The following FGD5 variants were observed in gnomAD, a reference collection of about 807,000 sequenced individuals.
The protein encoded by FGD5 is FYVE, RhoGEF and PH domain-containing protein 5.
Under a neutral mutation model 133.4 loss-of-function variants are expected in FGD5, and 28 were observed. That is an observed-to-expected ratio of 0.21 (90% CI 0.16 to 0.29). The LOEUF (loss-of-function observed/expected upper bound fraction) is 0.29, where lower values mean the gene tolerates loss of function less well. Ranked by LOEUF, FGD5 falls within the 10% of genes least tolerant of loss-of-function variation. The probability of loss-of-function intolerance (pLI) is 1.00; values close to 1 mark genes in which losing one functional copy is unlikely to be tolerated. For missense variants in FGD5, 1,858 were observed against 1,895.2 expected (o/e 0.98, Z 0.36); for synonymous variants, 810 against 776.5 (o/e 1.04, Z -0.72).
intron 1 of FGD5, among the ~76,000 whole-genome samples, chr3:14,829,702 G>A (rs2036669222): frequency 6.6e-6 from 1 of 152,194 alleles, no homozygotes. Flanking sequence ...GACAAGCCGA[G>A]TAATGAAGTT....
chr3:14,896,817 G>T (rs1407110519), intron 4 of FGD5: 1 of 152,086 alleles, frequency 6.6e-6, no homozygotes, highest in Non-Finnish European at 1.5e-5. Flanking sequence ...AGTTTTAGAA[G>T]TACATTAATC....
At chr3:14,829,415 C>T (rs999212535) in intron 1 of FGD5, among the ~76,000 whole-genome samples, 2 of 152,042 alleles carry the variant, frequency 1.3e-5, no homozygotes, top group African/African-American at 4.8e-5. Flanking sequence ...CTGGGAGATT[C>T]GTGAAGAGAT....
Position 14,917,225 on chromosome 3 carries a change from C to G in FGD5, c.3406-24C>G. The G allele has an allele frequency of 6.2e-7, 1 of 1,607,888 alleles. No individual in the cohort carries two copies. ...CGCAGCCTTCTGGGGCCAGGGTCCT[C>G]TCATAGGGTTTCCCTCTCTCCAGAT... On this transcript the variant is annotated intron_variant, in intron 11 of 19. Coordinates refer to ENST00000285046, the MANE Select transcript of FGD5 (RefSeq NM_152536.4). The surrounding 1 kb of genome is among the most constrained non-coding windows in gnomAD (Gnocchi z 4.1).
chr3:14,842,582 C>T (rs1559476425), intron 1 of FGD5, among the ~76,000 whole-genome samples: 1 of 152,222 alleles, frequency 6.6e-6, no homozygotes, highest in Non-Finnish European at 1.5e-5. Context: ...TTCAGGTCCT[C>T]CCCAGGGCAC....
intron 4 of FGD5, 135 bp from the exon 5 acceptor site, chr3:14,897,374 T>C: frequency 3.0e-6 from 3 of 1,008,878 alleles, no homozygotes; most frequent in Non-Finnish European, 4.4e-6. Context: ...GACTGTTGGG[T>C]CTGGAGACAC....
chr3:14,876,333 T>G (rs982910420), intron 2 of FGD5, among the ~76,000 whole-genome samples: 2 of 152,194 alleles, frequency 1.3e-5, no homozygotes, highest in African/African-American at 4.8e-5. Flanking sequence ...TCTCAAAACT[T>G]TTTGGTCTCA....
intron 1 of FGD5, among the ~76,000 whole-genome samples, chr3:14,824,314 T>C (rs1332353705): frequency 6.6e-6 from 1 of 152,160 alleles, no homozygotes; most frequent in East Asian, 1.9e-4. Flanking sequence ...GGACCCTGCT[T>C]GTTTGCCTGA....
intron 1 of FGD5, among the ~76,000 whole-genome samples, chr3:14,863,400 A>G (rs796641422): frequency 2.5e-4 from 38 of 152,336 alleles, no homozygotes; most frequent in African/African-American, 8.9e-4. Context: ...ATTTGAGGAC[A>G]GGGACCATGT....
At chr3:14,856,653 T>A (rs1284046776) in intron 1 of FGD5, among the ~76,000 whole-genome samples, 1 of 152,186 alleles carries the variant, frequency 6.6e-6, no homozygotes, top group African/African-American at 2.4e-5. Flanking sequence ...ATTGTGATTT[T>A]TTTTTTGTAG....
In FGD5 at chr3:14,831,061, C is replaced by T. The variant is rs147205206; in HGVS notation, c.2525+9465C>T. Among the ~76,000 whole-genome samples the T allele has an allele frequency of 2.8e-3, 426 of 152,194 alleles. 2 individuals are homozygous for T. The highest frequency in any genetic ancestry group is 9.6e-3 in the African/African-American group (398 of 41,510). ...TCTGAAGAGGTGAACTTGAGTGAAA[C>T]GTGAAGGATGATCAGACATCCCAAG... On this transcript the variant is annotated intron_variant, in intron 1 of 19. Transcript: ENST00000285046.
rs543453851 is a variant in FGD5 at position 14,922,144 on chromosome 3, C to T, written c.3669+127C>T. ...CCTGTCTTGGGGCACTGGCTCCCCC[C>T]ACACCCCTGCCATGCTCCCACCCTA... is the stretch of plus-strand genomic sequence containing the variant. On this transcript the variant is annotated intron_variant, in intron 14 of 19. Coordinates refer to ENST00000285046, the MANE Select transcript of FGD5 (RefSeq NM_152536.4). The surrounding 1 kb of genome is among the most constrained non-coding windows in gnomAD (Gnocchi z 4.1). The T allele has an allele frequency of 5.5e-6, 6 of 1,100,670 alleles. No individual in the cohort carries two copies. Among genetic ancestry groups the T allele is most frequent in the Non-Finnish European group, 5.3e-6 (4 of 759,200 alleles). The allele number at this position is 1,100,670 out of a possible 1,614,324, so 68.2% of individuals were successfully genotyped here. A position where few individuals can be genotyped will look rare whatever the true frequency, so the allele number is the denominator to read the frequency against.
rs1027660798 is a variant in FGD5 at position 14,822,259 on chromosome 3, G to C, written c.2525+663G>C. ...CGTTATCTCCTAGGTAGATGGCTTT[G>C]CTACTCGCCTCTGAGACAGTCACCA... On this transcript the variant is annotated intron_variant, in intron 1 of 19. Coordinates refer to ENST00000285046, the MANE Select transcript of FGD5 (RefSeq NM_152536.4). Among the ~76,000 whole-genome samples, 72 of 152,246 alleles carry C rather than the reference G, an allele frequency of 4.7e-4. 1 individual carries two copies. The highest frequency in any genetic ancestry group is 1.6e-3 in the African/African-American group (65 of 41,538).
At chr3:14,860,210 G>C (rs148829265) in intron 1 of FGD5, among the ~76,000 whole-genome samples, 1 of 152,190 alleles carries the variant, frequency 6.6e-6, no homozygotes, top group Admixed American at 6.5e-5. Flanking sequence ...TGCCGTGGCT[G>C]TGGCCCACAG....
chr3:14,837,512 C>A (rs992232503), intron 1 of FGD5, among the ~76,000 whole-genome samples: 1 of 152,152 alleles, frequency 6.6e-6, no homozygotes, highest in African/African-American at 2.4e-5. Flanking sequence ...GACTAGCCTT[C>A]TCTAGGTTTT....
At chr3:14,862,817 A>G (rs1307330470) in intron 1 of FGD5, among the ~76,000 whole-genome samples, 1 of 151,904 alleles carries the variant, frequency 6.6e-6, no homozygotes, top group Non-Finnish European at 1.5e-5. Context: ...CCAGGCAGAG[A>G]CAGGCCACCT....
intron 1 of FGD5, among the ~76,000 whole-genome samples, chr3:14,835,033 GCAAA>G (rs1436454106): frequency 6.6e-6 from 1 of 152,196 alleles, no homozygotes; most frequent in Non-Finnish European, 1.5e-5. Flanking sequence ...GGCAGAGGAG[GCAAA>G]CAGACAGTCC....
At position 14,932,400 on chromosome 3, in the gene FGD5, T is replaced by A. The variant is rs2038913972; in HGVS notation, c.4198-177T>A. The A allele has an allele frequency of 1.6e-5, 10 of 642,858 alleles. No homozygotes were observed. The South Asian group carries it at 2.5e-4, about 16-fold the overall frequency. 39.8% of individuals were successfully genotyped at this position (642,858 alleles called of 1,614,324 possible). On this transcript the variant is annotated intron_variant, in intron 18 of 19. Transcript: ENST00000285046. Reference sequence around the variant, plus strand: ...ACCCAGCCAGTGTCGTTTCTTTCCTTCCTCAGGGCTGGCTCTGGGGGGAAG... The same window carrying A: ...ACCCAGCCAGTGTCGTTTCTTTCCTACCTCAGGGCTGGCTCTGGGGGGAAG...
chr3:14,916,910 T>C (rs1481355218), intron 11 of FGD5, among the ~76,000 whole-genome samples: 1 of 152,242 alleles, frequency 6.6e-6, no homozygotes, highest in Non-Finnish European at 1.5e-5. Context: ...TGCTATAAGG[T>C]ATTCTGTGGT....
At chr3:14,905,724 T>C (rs2038325612) in intron 9 of FGD5, among the ~76,000 whole-genome samples, 1 of 152,046 alleles carries the variant, frequency 6.6e-6, no homozygotes, top group Admixed American at 6.5e-5. Context: ...CAGAGCTACT[T>C]CAAGGTCTGA....
Sources: allele counts gnomAD v4.1 joint callset (sites outside exome capture counted in the v4.1 genomes callset), GRCh38; gene constraint gnomAD v4.1.1; non-coding constraint Gnocchi (gnomAD v3.1); transcripts MANE v1.5; gene names NCBI Gene and HGNC (gene_info 2026-07-23, HGNC 2026-07-21).